Variants in NUBPL observed in about 807,000 individuals in gnomAD.
NUBPL encodes NUBP iron-sulfur cluster assembly factor, mitochondrial.
NUBPL carries 31 observed loss-of-function variants against 45.7 expected under a neutral mutation model. The observed-to-expected ratio is 0.68, with a 90% CI of 0.51 to 0.92. The LOEUF (loss-of-function observed/expected upper bound fraction) is 0.92, where lower values mean the gene tolerates loss of function less well. NUBPL is among the 40% of genes least tolerant of loss of function. The probability of loss-of-function intolerance (pLI) is 0.00; values close to 1 mark genes in which losing one functional copy is unlikely to be tolerated. For missense variants in NUBPL, 401 were observed against 398.7 expected (o/e 1.01, Z -0.05); for synonymous variants, 144 against 140.9 (o/e 1.02, Z -0.15).
intron 6 of NUBPL, among the ~76,000 whole-genome samples, chr14:31,766,528 T>C (rs1159573459): frequency 6.6e-6 from 1 of 152,210 alleles, no homozygotes; most frequent in Admixed American, 6.5e-5. Flanking sequence ...AAACTTCACC[T>C]GTCTTATCTA....
chr14:31,673,870 T>C (rs1268691638), intron 6 of NUBPL, among the ~76,000 whole-genome samples: 1 of 152,196 alleles, frequency 6.6e-6, no homozygotes, highest in Non-Finnish European at 1.5e-5. Flanking sequence ...ATAAGTTATC[T>C]TCCTTCTTTA....
intron 6 of NUBPL, among the ~76,000 whole-genome samples, chr14:31,744,807 A>G (rs2038360837): frequency 6.6e-6 from 1 of 151,732 alleles, no homozygotes; most frequent in Non-Finnish European, 1.5e-5. Context: ...TTTTTAGTAG[A>G]GACAGGGTTT....
At chr14:31,635,823 T>G (rs2035479100) in intron 4 of NUBPL, among the ~76,000 whole-genome samples, 2 of 152,102 alleles carry the variant, frequency 1.3e-5, no homozygotes, top group Admixed American at 6.5e-5. Flanking sequence ...GTAAGTTGGA[T>G]TCCTAGGTAT....
rs1032337065 is a variant in NUBPL, at chr14:31,782,719, G to A, written c.514-5061G>A. On this transcript the variant is annotated intron_variant, in intron 6 of 10. Transcript: ENST00000281081. The stretch of plus-strand genomic sequence containing the variant: ...AGAGGATGGTTTGAACCTGGGAGAC[G>A]AGGTTGCAGTGAGCCAAGATTGTGC... 6.7e-4 allele frequency among the ~76,000 whole-genome samples: 101 copies of A among 151,570 alleles called. 1 individual carries two copies. The highest frequency in any genetic ancestry group is 2.9e-4 in the Non-Finnish European group (20 of 67,852).
intron 6 of NUBPL, among the ~76,000 whole-genome samples, chr14:31,739,218 TTATA>T (rs35462177): frequency 6.5e-5 from 9 of 139,482 alleles, no homozygotes; most frequent in African/African-American, 8.1e-5. Flanking sequence ...ATATATTATA[TTATA>T]TATATATATA....
At chr14:31,636,960 G>A (rs2035522384) in intron 4 of NUBPL, among the ~76,000 whole-genome samples, 1 of 152,052 alleles carries the variant, frequency 6.6e-6, no homozygotes, top group African/African-American at 2.4e-5. Context: ...TTTTTATTGT[G>A]TCTATTTGAT....
intron 6 of NUBPL, among the ~76,000 whole-genome samples, chr14:31,744,156 G>A (rs1005835859): frequency 2.0e-5 from 3 of 152,162 alleles, no homozygotes; most frequent in African/African-American, 7.2e-5. Context: ...GTGATCTCTT[G>A]GGTGAGAGAA....
intron 6 of NUBPL, among the ~76,000 whole-genome samples, chr14:31,692,391 T>G (rs918577502): frequency 3.9e-5 from 6 of 152,194 alleles, no homozygotes; most frequent in Non-Finnish European, 7.4e-5. Flanking sequence ...AAAAACCAAC[T>G]TTAGTTATTA....
At position 31,751,299 on chromosome 14, in the gene NUBPL, A is replaced by G. The variant is rs576002453; in HGVS notation, c.514-36481A>G. 5.9e-5 allele frequency among the ~76,000 whole-genome samples: 9 copies of G among 152,354 alleles called. No homozygotes were observed. The South Asian group carries it at 1.2e-3, about 21-fold the overall frequency. On this transcript the variant is annotated intron_variant, in intron 6 of 10. Coordinates refer to ENST00000281081, the MANE Select transcript of NUBPL (RefSeq NM_025152.3). ...CATTAACTTAAAGGTCCAAGTCCAA[A>G]GTCTCATCTGAGACAAGGCAAGTCC...
chr14:31,617,406 G>A (rs558257921), intron 4 of NUBPL, among the ~76,000 whole-genome samples: 1 of 152,278 alleles, frequency 6.6e-6, no homozygotes, highest in Admixed American at 6.5e-5. Context: ...GATATTGGCT[G>A]TGGGTTTGTC....
intron 7 of NUBPL, among the ~76,000 whole-genome samples, chr14:31,809,236 C>T (rs1004385678): frequency 1.3e-5 from 2 of 152,148 alleles, no homozygotes; most frequent in African/African-American, 4.8e-5. Context: ...GGCTGTGAAT[C>T]TGTCTGGTCC....
rs771678671 is a variant in NUBPL, at chr14:31,671,500, G to A, written c.383-1855G>A. Among the ~76,000 whole-genome samples, 64 of 152,268 alleles carry A rather than the reference G, an allele frequency of 4.2e-4. No homozygotes were observed. In the Middle Eastern group the frequency reaches 0.017, roughly 40 times the overall value. On this transcript the variant is annotated intron_variant, in intron 4 of 10. Transcript: ENST00000281081. ...GAAAAATCTCTTAGTGTAACTCACCGTTTTAGCAGATCAAAGGTGAAAAAG... is the reference window on the plus strand; with the variant it reads ...GAAAAATCTCTTAGTGTAACTCACCATTTTAGCAGATCAAAGGTGAAAAAG...
At chr14:31,692,195 G>C (rs1302243529) in intron 6 of NUBPL, among the ~76,000 whole-genome samples, 1 of 151,974 alleles carries the variant, frequency 6.6e-6, no homozygotes, top group East Asian at 1.9e-4. Flanking sequence ...ATAATTATAG[G>C]TGTAAACATC....
intron 3 of NUBPL, among the ~76,000 whole-genome samples, chr14:31,576,927 G>A (rs928687204): frequency 6.6e-6 from 1 of 152,192 alleles, no homozygotes; most frequent in East Asian, 1.9e-4. Flanking sequence ...GCCTTCCTCA[G>A]CATGGCAGCC....
intron 9 of NUBPL, among the ~76,000 whole-genome samples, chr14:31,848,346 G>A (rs566143169): frequency 6.6e-6 from 1 of 152,310 alleles, no homozygotes; most frequent in South Asian, 2.1e-4. Context: ...ACTGAAATCA[G>A]GGAAAAAGCT....
chr14:31,838,581 T>C (rs1040428503), intron 8 of NUBPL, among the ~76,000 whole-genome samples: 1 of 152,176 alleles, frequency 6.6e-6, no homozygotes, highest in Non-Finnish European at 1.5e-5. Context: ...GGAATGTGTT[T>C]GGAGGATATA....
intron 4 of NUBPL, among the ~76,000 whole-genome samples, chr14:31,628,423 G>A (rs1306736788): frequency 6.6e-6 from 1 of 152,070 alleles, no homozygotes; most frequent in Admixed American, 6.5e-5. Flanking sequence ...TGTTAATACT[G>A]TATTATTACT....
chr14:31,713,084 G>A (rs577346097), intron 6 of NUBPL, among the ~76,000 whole-genome samples: 1 of 152,258 alleles, frequency 6.6e-6, no homozygotes, highest in South Asian at 2.1e-4. Context: ...AGAAGGCTGA[G>A]GATCATTTCC....
At chr14:31,742,886 C>T (rs1024500696) in intron 6 of NUBPL, among the ~76,000 whole-genome samples, 4 of 151,814 alleles carry the variant, frequency 2.6e-5, no homozygotes, top group African/African-American at 7.3e-5. Flanking sequence ...GGATTACAGG[C>T]GTGAGCCACC....
Sources: gnomAD v4.1 joint callset for allele counts (sites outside exome capture counted in the v4.1 genomes callset) on GRCh38, gnomAD v4.1.1 for gene constraint, MANE v1.5 for transcripts, NCBI Gene and HGNC (gene_info 2026-07-23, HGNC 2026-07-21) for gene names.